The following LAMA2 variants were observed in gnomAD, a reference collection of about 807,000 sequenced individuals.
LAMA2 encodes laminin subunit alpha-2.
LAMA2 carries 269 observed loss-of-function variants against 364.8 expected under a neutral mutation model. The ratio of observed to expected loss-of-function variants is 0.74; its 90% CI spans 0.67 to 0.82. The LOEUF (loss-of-function observed/expected upper bound fraction) is 0.82, where lower values mean the gene tolerates loss of function less well. LAMA2 is among the 40% of genes least tolerant of loss of function. The probability of loss-of-function intolerance (pLI) is 0.00; values close to 1 mark genes in which losing one functional copy is unlikely to be tolerated. For missense variants in LAMA2, 3,807 were observed against 3,873.2 expected (o/e 0.98, Z 0.45); for synonymous variants, 1,379 against 1,370.6 (o/e 1.01, Z -0.14).
chr6:129,294,894 A>G (rs1323191476), intron 20 of LAMA2, among the ~76,000 whole-genome samples: 1 of 152,186 alleles, frequency 6.6e-6, no homozygotes, highest in East Asian at 1.9e-4. Flanking sequence ...ATTTTTTTTC[A>G]AAAACAAATG....
chr6:129,428,341 G>A (rs1781426418), intron 41 of LAMA2, among the ~76,000 whole-genome samples: 1 of 152,242 alleles, frequency 6.6e-6, no homozygotes. Context: ...GGCTGAGCCA[G>A]GAGGATCGCT....
chr6:129,146,205 C>T (rs1258056143), intron 5 of LAMA2, among the ~76,000 whole-genome samples: 1 of 151,564 alleles, frequency 6.6e-6, no homozygotes, highest in East Asian at 1.9e-4. Context: ...CTATCTAACG[C>T]TAAGATGATT....
At chr6:129,259,053 A>G (rs1379746991) in intron 14 of LAMA2, among the ~76,000 whole-genome samples, 4 of 152,090 alleles carry the variant, frequency 2.6e-5, no homozygotes, top group African/African-American at 7.2e-5. Flanking sequence ...CCAACTGCCT[A>G]TATCTGGTGA....
At chr6:129,204,842 A>T (rs530334934) in intron 12 of LAMA2, among the ~76,000 whole-genome samples, 1 of 152,358 alleles carries the variant, frequency 6.6e-6, no homozygotes, top group South Asian at 2.1e-4. Context: ...AAAGAAATTG[A>T]TAACAGAAAG....
At chr6:129,353,446 GCC>G in intron 32 of LAMA2, 89 bp downstream of exon 32, 1 of 1,013,748 alleles carries the variant, frequency 9.9e-7, no homozygotes, top group South Asian at 1.5e-5. Flanking sequence ...CTCCCCGCCC[GCC>G]TTTTTTTTTT....
chr6:129,311,923 G>A (rs1455416870), intron 22 of LAMA2, among the ~76,000 whole-genome samples: 1 of 143,324 alleles, frequency 7.0e-6, no homozygotes, highest in Admixed American at 6.8e-5. Context: ...GGTAAATACA[G>A]CAAGAAATGT....
chr6:129,481,042 A>C (rs778647355), intron 54 of LAMA2, among the ~76,000 whole-genome samples: 3 of 152,194 alleles, frequency 2.0e-5, no homozygotes, highest in Non-Finnish European at 4.4e-5. Context: ...AGAGGCTATA[A>C]TTCTGATTTT....
At chr6:128,980,221 T>C (rs1782779945) in intron 1 of LAMA2, among the ~76,000 whole-genome samples, 1 of 152,220 alleles carries the variant, frequency 6.6e-6, no homozygotes, top group Non-Finnish European at 1.5e-5. Flanking sequence ...GATTTTACTC[T>C]CTATATCAAT....
At chr6:129,107,801 C>T (rs1213746498) in intron 4 of LAMA2, among the ~76,000 whole-genome samples, 1 of 152,058 alleles carries the variant, frequency 6.6e-6, no homozygotes, top group Non-Finnish European at 1.5e-5. Flanking sequence ...ATTTTTGGAG[C>T]TGTGATTTGA....
At chr6:129,386,049 T>G (rs1389295497) in intron 35 of LAMA2, among the ~76,000 whole-genome samples, 2 of 152,156 alleles carry the variant, frequency 1.3e-5, no homozygotes, top group Non-Finnish European at 2.9e-5. Context: ...TTCTGTCTAC[T>G]AATTCTTTCC....
intron 35 of LAMA2, among the ~76,000 whole-genome samples, chr6:129,386,474 G>A (rs1779024209): frequency 6.6e-6 from 1 of 151,932 alleles, no homozygotes; most frequent in Non-Finnish European, 1.5e-5. Context: ...ATATTGCCTA[G>A]CAAGTGATAG....
rs145129199 is a variant in LAMA2, at chr6:129,154,547, A to G, written c.1070A>G (p.Glu357Gly). Reference protein sequence around the residue: ...HGKAEECYYDENVARRNLSLN... With the variant: ...HGKAEECYYDGNVARRNLSLN... The stretch of plus-strand genomic sequence containing the variant: ...AAAGCTGAAGAATGCTATTATGATG[A>G]AAATGTTGCCAGAAGAAATCTGAGT... The change falls in exon 8 of 65, where the codon GAA becomes GGA. Residue 357 changes from glutamate to glycine, a missense_variant. Around this residue, in one of 3 missense-constraint regions of LAMA2, gnomAD observed 80 missense variants for 124.0 expected, o/e 0.65. Coordinates refer to ENST00000421865, the MANE Select transcript of LAMA2 (RefSeq NM_000426.4). 1.9e-6 allele frequency: 3 copies of G among 1,613,854 alleles called. No homozygotes were observed. The highest frequency in any genetic ancestry group is 2.7e-5 in the African/African-American group (2 of 74,944).
intron 64 of LAMA2, among the ~76,000 whole-genome samples, chr6:129,515,944 T>C (rs1381651335): frequency 6.6e-6 from 1 of 152,034 alleles, no homozygotes; most frequent in African/African-American, 2.4e-5. Flanking sequence ...AGGTTGAGGC[T>C]GCAGTAAGCC....
chr6:129,393,264 T>G lies in LAMA2; in HGVS notation c.5445+9T>G, dbSNP rs2114675067. 1.9e-6 allele frequency: 3 copies of G among 1,601,454 alleles called. No homozygotes were observed. Among genetic ancestry groups the G allele is most frequent in the Non-Finnish European group, 2.6e-6 (3 of 1,168,610 alleles). On this transcript the variant is annotated intron_variant, in intron 37 of 64. Transcript: ENST00000421865. ...ACATGACTGCATTGGAGGTGAGTCT[T>G]AGGGGCACTTTTATCTTAATCTCAG...
intron 4 of LAMA2, among the ~76,000 whole-genome samples, chr6:129,116,207 T>G (rs1776472339): frequency 6.6e-6 from 1 of 152,146 alleles, no homozygotes. Context: ...AAGCAAAGTT[T>G]CAGAAATCAC....
chr6:128,930,114 G>A (rs1235294143), intron 1 of LAMA2: 3 of 281,200 alleles, frequency 1.1e-5, no homozygotes, highest in South Asian at 7.2e-5. Flanking sequence ...ACAGGGCGGC[G>A]CCGCGCCCGG....
intron 35 of LAMA2, among the ~76,000 whole-genome samples, chr6:129,388,677 G>GCA (rs925813847): frequency 6.6e-6 from 1 of 151,334 alleles, no homozygotes; most frequent in Non-Finnish European, 1.5e-5. Flanking sequence ...ATTTATACAC[G>GCA]CACACACACA....
chr6:129,024,043 G>A (rs1785632610), intron 1 of LAMA2, among the ~76,000 whole-genome samples: 2 of 152,110 alleles, frequency 1.3e-5, no homozygotes, highest in South Asian at 2.1e-4. Flanking sequence ...GATGAGCGAT[G>A]GTCAGTGAAA....
At chr6:128,973,285 T>G (rs1010143682) in intron 1 of LAMA2, among the ~76,000 whole-genome samples, 1 of 152,156 alleles carries the variant, frequency 6.6e-6, no homozygotes, top group Non-Finnish European at 1.5e-5. Context: ...ACTGTGCAAT[T>G]TTCCTACCTC....
Sources: allele counts gnomAD v4.1 joint callset (sites outside exome capture counted in the v4.1 genomes callset), GRCh38; gene constraint gnomAD v4.1.1; regional missense constraint gnomAD v4.1.1; transcripts MANE v1.5; gene names NCBI Gene and HGNC (gene_info 2026-07-23, HGNC 2026-07-21).